DACH2: variants seen among roughly 807,000 people sequenced by gnomAD.
The protein encoded by DACH2 is dachshund homolog 2.
In DACH2, 17 loss-of-function variants were observed where a neutral mutation model predicts 35.8. The observed-to-expected ratio is 0.48, with a 90% CI of 0.33 to 0.71. DACH2 has a LOEUF of 0.71. Among genes scored for constraint, DACH2 ranks in the 30% least tolerant of loss-of-function variants. The pLI is 0.02. For synonymous variants in DACH2, 195 were observed against 177.3 expected (o/e 1.10, Z -0.79); for missense variants, 469 against 472.7 (o/e 0.99, Z 0.07).
intron 3 of DACH2, among the ~76,000 whole-genome samples, chrX:86,643,647 A>G (rs2040377582): frequency 9.0e-6 from 1 of 111,427 alleles, no homozygotes; most frequent in Non-Finnish European, 1.9e-5. Flanking sequence ...AACCTGGCAG[A>G]CACACAACAA....
intron 1 of DACH2, among the ~76,000 whole-genome samples, chrX:86,312,209 T>A (rs1012408691): frequency 8.9e-6 from 1 of 112,457 alleles, no homozygotes; most frequent in Non-Finnish European, 1.9e-5. Context: ...ACACTTGTAA[T>A]AAGAAAATAT....
At chrX:86,291,121 C>T (rs1244719460) in intron 1 of DACH2, among the ~76,000 whole-genome samples, 1 of 105,068 alleles carries the variant, frequency 9.5e-6, no homozygotes, top group Non-Finnish European at 1.9e-5. Flanking sequence ...TTGTAGTTCT[C>T]CTTGAAGAGG....
chrX:86,637,819 C>G (rs1448302652), intron 3 of DACH2, among the ~76,000 whole-genome samples: 2 of 110,787 alleles, frequency 1.8e-5, no homozygotes, highest in African/African-American at 6.6e-5. Context: ...TATAACAAAC[C>G]CTCGTGACAC....
intron 3 of DACH2, among the ~76,000 whole-genome samples, chrX:86,571,171 C>T (rs922927337): frequency 9.0e-6 from 1 of 110,634 alleles, no homozygotes; most frequent in Non-Finnish European, 1.9e-5. Context: ...TCAATTTTCC[C>T]AGAATCATTT....
intron 2 of DACH2, among the ~76,000 whole-genome samples, chrX:86,462,776 A>G (rs943692070): frequency 1.8e-5 from 2 of 111,422 alleles, no homozygotes; most frequent in East Asian, 5.6e-4. Flanking sequence ...CTCAGGAGTT[A>G]TACCTACCTT....
intron 1 of DACH2, among the ~76,000 whole-genome samples, chrX:86,191,865 C>T (rs188490772): frequency 9.0e-6 from 1 of 111,213 alleles, no homozygotes; most frequent in East Asian, 2.8e-4. Flanking sequence ...TGCTTGAACC[C>T]AAGAGGCGGA....
intron 1 of DACH2, among the ~76,000 whole-genome samples, chrX:86,249,337 G>T (rs1442496961): frequency 9.0e-6 from 1 of 110,861 alleles, no homozygotes; most frequent in African/African-American, 3.3e-5. Flanking sequence ...AACCTATAAG[G>T]AAATTAAGCA....
At chrX:86,753,992 C>G (rs757450873) in intron 7 of DACH2, among the ~76,000 whole-genome samples, 115 of 109,228 alleles carry the variant, frequency 1.1e-3, no homozygotes, top group African/African-American at 3.6e-3. Context: ...ACCATGAGAG[C>G]ATCACAGAAA....
At position 86,392,422 on chromosome X, in the gene DACH2, T is replaced by C. The variant is rs777703544; in HGVS notation, c.527+15560T>C. The stretch of plus-strand genomic sequence containing the variant: ...AAAGAAAGGGTGATATTGTATGATA[T>C]ATAGACTACAGACATAAGAATTAAA... On this transcript the variant is annotated intron_variant, in intron 2 of 11. Coordinates refer to ENST00000373125, the MANE Select transcript of DACH2 (RefSeq NM_053281.3). Among the ~76,000 whole-genome samples, 82 of 112,057 alleles carry C rather than the reference T, an allele frequency of 7.3e-4. 1 individual carries two copies. The highest frequency in any genetic ancestry group is 3.3e-3 in the South Asian group (9 of 2,708).
chrX:86,148,980 C>T lies in DACH2; in HGVS notation c.360C>T (p.Pro120=). Residue 120 remains proline (P), a synonymous_variant, in exon 1 of 12, where the codon CCC becomes CCT. Coordinates refer to ENST00000373125, the MANE Select transcript of DACH2 (RefSeq NM_053281.3). ...YTKLKRLDIS[P]VVCTVEQVRI... ...AGCTGAAGAGACTGGATATATCCCC[C>T]GTGGTGTGTACTGTTGAGCAGGTCC... is the stretch of plus-strand genomic sequence containing the variant. The T allele has an allele frequency of 1.7e-6, 2 of 1,211,385 alleles. No individual in the cohort carries two copies. Among genetic ancestry groups the T allele is most frequent in the Non-Finnish European group, 2.2e-6 (2 of 895,485 alleles).
At chrX:86,677,755 A>T (rs2040838742) in intron 4 of DACH2, among the ~76,000 whole-genome samples, 1 of 112,325 alleles carries the variant, frequency 8.9e-6, no homozygotes, top group South Asian at 3.6e-4. Context: ...GTTAATTTGC[A>T]CATACCTCAC....
chrX:86,678,246 A>T (rs975062521), intron 4 of DACH2, among the ~76,000 whole-genome samples: 1 of 112,242 alleles, frequency 8.9e-6, no homozygotes, highest in African/African-American at 3.2e-5. Flanking sequence ...ATATTTTATG[A>T]TAATCAGTGG....
chrX:86,527,201 G>A (rs939951150), intron 3 of DACH2, among the ~76,000 whole-genome samples: 1 of 111,077 alleles, frequency 9.0e-6, no homozygotes, highest in African/African-American at 3.3e-5. Flanking sequence ...CTTTAAAAAA[G>A]GTTTTACTGA....
intron 1 of DACH2, among the ~76,000 whole-genome samples, chrX:86,152,076 G>A (rs2030385881): frequency 8.9e-6 from 1 of 111,837 alleles, no homozygotes; most frequent in Non-Finnish European, 1.9e-5. Context: ...AAAAGTAAAT[G>A]TTTAGCGAAT....
chrX:86,684,493 A>AT (rs2040918435), intron 4 of DACH2, among the ~76,000 whole-genome samples: 1 of 111,149 alleles, frequency 9.0e-6, no homozygotes, highest in African/African-American at 3.3e-5. Flanking sequence ...TACTTAAATT[A>AT]TGTTATGGGT....
chrX:86,366,238 A>G (rs1386849114), intron 1 of DACH2, among the ~76,000 whole-genome samples: 1 of 110,945 alleles, frequency 9.0e-6, no homozygotes, highest in Non-Finnish European at 1.9e-5. Flanking sequence ...GTTAGGTAAT[A>G]GTTGAACATA....
chrX:86,471,725 T>C (rs2037763606), intron 2 of DACH2, among the ~76,000 whole-genome samples: 1 of 111,396 alleles, frequency 9.0e-6, no homozygotes. Flanking sequence ...AGATAACCTT[T>C]AGTGAACAAC....
chrX:86,256,087 T>C (rs964074826), intron 1 of DACH2, among the ~76,000 whole-genome samples: 2 of 110,663 alleles, frequency 1.8e-5, no homozygotes, highest in African/African-American at 3.3e-5. Context: ...AAACTAAGCA[T>C]AGGGATTTTT....
chrX:86,706,623 G>T (rs1225423832), intron 5 of DACH2, among the ~76,000 whole-genome samples: 2 of 110,285 alleles, frequency 1.8e-5, no homozygotes, highest in African/African-American at 6.6e-5. Context: ...ACATTTAAAA[G>T]AATAGAAATC....
Sources: allele counts gnomAD v4.1 joint callset (sites outside exome capture counted in the v4.1 genomes callset), GRCh38; gene constraint gnomAD v4.1.1; transcripts MANE v1.5; gene names NCBI Gene and HGNC (gene_info 2026-07-23, HGNC 2026-07-21).